Variants in ASTN2 observed in about 807,000 individuals in gnomAD.
The protein encoded by ASTN2 is astrotactin-2.
Under a neutral mutation model 139.8 loss-of-function variants are expected in ASTN2, and 54 were observed. The ratio of observed to expected loss-of-function variants is 0.39; its 90% CI spans 0.31 to 0.48. The LOEUF (loss-of-function observed/expected upper bound fraction) is 0.48, where lower values mean the gene tolerates loss of function less well. Ranked by LOEUF, ASTN2 falls within the 20% of genes least tolerant of loss-of-function variation. The pLI, the probability that ASTN2 is intolerant of heterozygous loss-of-function variation, is 0.95. For missense variants in ASTN2, 1,565 were observed against 1,725.1 expected (o/e 0.91, Z 1.64); for synonymous variants, 756 against 719.5 (o/e 1.05, Z -0.81).
chr9:116,805,765 C>G lies in ASTN2; in HGVS notation c.2263G>C (p.Asp755His). The G allele has an allele frequency of 6.2e-7, 1 of 1,613,940 alleles. No homozygotes were observed. The highest frequency in any genetic ancestry group is 8.5e-7 in the Non-Finnish European group (1 of 1,179,842). Residue 755 changes from aspartate to histidine, a missense_variant, in exon 13 of 23, where the codon GAT (aspartate) becomes CAT (histidine). Physicochemically the swap from Asp to His is moderately conservative, Grantham distance 81. Coordinates refer to ENST00000313400, the MANE Select transcript of ASTN2 (RefSeq NM_001365068.1). The stretch of plus-strand genomic sequence containing the variant: ...AGGCACTTGGGGCCCTCGCAGACAT[C>G]TGAGAGCATTAAGCAGGATTTTCCA... ...PDGKSCLMLSDVCEGPKCLKP... is the reference protein window; with the variant it reads ...PDGKSCLMLSHVCEGPKCLKP...
chr9:117,080,402 G>C (rs144569553), intron 5 of ASTN2, among the ~76,000 whole-genome samples: 129 of 152,142 alleles, frequency 8.5e-4, no homozygotes, highest in Non-Finnish European at 1.7e-3. Flanking sequence ...TTCAGTATTA[G>C]AGATTATGCT....
intron 3 of ASTN2, among the ~76,000 whole-genome samples, chr9:117,210,851 C>G (rs958844245): frequency 2.0e-5 from 3 of 151,900 alleles, no homozygotes; most frequent in East Asian, 3.9e-4. Context: ...AGATAATACA[C>G]CATGATCAAG....
At chr9:117,172,633 T>C (rs1171200486) in intron 3 of ASTN2, among the ~76,000 whole-genome samples, 1 of 152,162 alleles carries the variant, frequency 6.6e-6, no homozygotes, top group East Asian at 1.9e-4. Context: ...GAGGTGGATG[T>C]GATCTGGGAA....
At chr9:116,606,168 G>C (rs1855189269) in intron 19 of ASTN2, among the ~76,000 whole-genome samples, 1 of 152,086 alleles carries the variant, frequency 6.6e-6, no homozygotes, top group Admixed American at 6.6e-5. Flanking sequence ...GGGGCATTCA[G>C]CCACCCCCCA....
intron 4 of ASTN2, among the ~76,000 whole-genome samples, chr9:117,125,356 G>T (rs1829660374): frequency 6.6e-6 from 1 of 152,052 alleles, no homozygotes; most frequent in African/African-American, 2.4e-5. Flanking sequence ...TCAATTCTGA[G>T]CCAAGATATT....
chr9:117,095,912 T>A, intron 5 of ASTN2, 132 bp downstream of exon 5: 1 of 743,270 alleles, frequency 1.3e-6, no homozygotes. Context: ...GGGCAACAGA[T>A]ACTAAGCTCA....
Position 117,064,972 on chromosome 9 carries a change from G to T in ASTN2, c.1277-25007C>A, listed in dbSNP as rs924595484. Among the ~76,000 whole-genome samples, 2 of 152,084 alleles carry T rather than the reference G, an allele frequency of 1.3e-5. 1 individual carries two copies. The highest frequency in any genetic ancestry group is 4.8e-5 in the African/African-American group (2 of 41,420). ...GAATTGACCTTACATGGAAAAAAGG[G>T]TCTTTGCAGATGCATTTAAGTTCAG... On this transcript the variant is annotated intron_variant, in intron 5 of 22. Coordinates refer to ENST00000313400, the MANE Select transcript of ASTN2 (RefSeq NM_001365068.1).
chr9:116,424,786 A>G lies in ASTN2; in HGVS notation c.*1065T>C, dbSNP rs945418103. Reference sequence around the variant, plus strand: ...GTATTGTTAGTAGAGACGGGGTTTCACCACATTAGCCAGGCTGGTCTCAAA... The same window carrying G: ...GTATTGTTAGTAGAGACGGGGTTTCGCCACATTAGCCAGGCTGGTCTCAAA... On this transcript the variant is annotated 3_prime_UTR_variant, in exon 23 of 23. Transcript: ENST00000313400. Among the ~76,000 whole-genome samples the G allele has an allele frequency of 6.6e-6, 1 of 151,898 alleles. No homozygotes were observed. The highest frequency in any genetic ancestry group is 1.5e-5 in the Non-Finnish European group (1 of 67,976).
At chr9:116,702,583 A>G (rs952687467) in intron 16 of ASTN2, among the ~76,000 whole-genome samples, 8 of 152,164 alleles carry the variant, frequency 5.3e-5, no homozygotes, top group Admixed American at 3.3e-4. Context: ...AGAATATGTT[A>G]TCAGTTATTT....
At chr9:117,215,679 T>C (rs1236488169) in intron 2 of ASTN2, among the ~76,000 whole-genome samples, 1 of 152,046 alleles carries the variant, frequency 6.6e-6, no homozygotes, top group African/African-American at 2.4e-5. Context: ...ATAACACCTG[T>C]CATGAGCTTG....
intron 3 of ASTN2, among the ~76,000 whole-genome samples, chr9:117,146,257 G>T (rs1304030058): frequency 6.6e-6 from 1 of 152,090 alleles, no homozygotes; most frequent in Non-Finnish European, 1.5e-5. Context: ...CTCACCCATC[G>T]CCTGGATGAA....
At chr9:117,340,355 A>T (rs1829028592) in intron 1 of ASTN2, among the ~76,000 whole-genome samples, 1 of 150,226 alleles carries the variant, frequency 6.7e-6, no homozygotes, top group Non-Finnish European at 1.5e-5. Flanking sequence ...AAAAAAAAAA[A>T]AAAAAAGTGT....
At chr9:117,284,530 C>T (rs1834400086) in intron 2 of ASTN2, among the ~76,000 whole-genome samples, 1 of 152,216 alleles carries the variant, frequency 6.6e-6, no homozygotes, top group Admixed American at 6.5e-5. Flanking sequence ...GAAGGAAAGC[C>T]TGGAGCAGAT....
At position 117,101,390 on chromosome 9, in the gene ASTN2, C is replaced by T. The variant is rs111661968; in HGVS notation, c.1169-5239G>A. Reference sequence around the variant, plus strand: ...GCCATTAGTTACACAGGGCTGCTCCCGTACTTCCATTTAGGGGCTGAGAGA... The same window carrying T: ...GCCATTAGTTACACAGGGCTGCTCCTGTACTTCCATTTAGGGGCTGAGAGA... On this transcript the variant is annotated intron_variant, in intron 4 of 22. Coordinates refer to ENST00000313400, the MANE Select transcript of ASTN2 (RefSeq NM_001365068.1). Among the ~76,000 whole-genome samples the T allele has an allele frequency of 7.9e-3, 1,201 of 152,206 alleles. 15 individuals carry two copies. The highest frequency in any genetic ancestry group is 0.027 in the African/African-American group (1,132 of 41,524).
chr9:117,341,255 T>TC (rs1829053478), intron 1 of ASTN2, among the ~76,000 whole-genome samples: 1 of 152,104 alleles, frequency 6.6e-6, no homozygotes, highest in Non-Finnish European at 1.5e-5. Context: ...ATGAATCAAA[T>TC]CGTTTTTTTT....
chr9:117,184,188 C>T (rs1231229880), intron 3 of ASTN2, among the ~76,000 whole-genome samples: 1 of 152,180 alleles, frequency 6.6e-6, no homozygotes, highest in African/African-American at 2.4e-5. Flanking sequence ...ACAGCCCAGG[C>T]TCTCTCATTT....
rs1304429243 is a variant in ASTN2, at chr9:116,945,890, T to G, written c.1889+29318A>C. On this transcript the variant is annotated intron_variant, in intron 10 of 22. Transcript: ENST00000313400. ...TGGGTAATTTATGAAGAAAAGAAAT[T>G]TAACTGACTCACTGTTCCACAGAAT... Among the ~76,000 whole-genome samples the G allele has an allele frequency of 2.6e-5, 4 of 152,156 alleles. No individual in the cohort carries two copies. In the East Asian group the frequency reaches 7.7e-4, roughly 29 times the overall value.
intron 16 of ASTN2, among the ~76,000 whole-genome samples, chr9:116,703,477 C>CA (rs1827904055): frequency 2.0e-5 from 3 of 146,772 alleles, no homozygotes; most frequent in Non-Finnish European, 3.0e-5. Flanking sequence ...ATCGCAAGAA[C>CA]AAAAAACCAA....
At chr9:116,898,262 C>T (rs1036958209) in intron 10 of ASTN2, among the ~76,000 whole-genome samples, 13 of 151,800 alleles carry the variant, frequency 8.6e-5, no homozygotes, top group African/African-American at 1.2e-4. Flanking sequence ...GAAAAAATAG[C>T]GCCAAGCATG....
Sources: allele counts gnomAD v4.1 joint callset (sites outside exome capture counted in the v4.1 genomes callset), GRCh38; gene constraint gnomAD v4.1.1; transcripts MANE v1.5; gene names NCBI Gene and HGNC (gene_info 2026-07-23, HGNC 2026-07-21).